TRAPPC8: variants seen among roughly 807,000 people sequenced by gnomAD.
The protein encoded by TRAPPC8 is trafficking protein particle complex subunit 8, also known as general sporulation gene 1 homolog.
In TRAPPC8, 54 loss-of-function variants were observed where a neutral mutation model predicts 174.3. The ratio of observed to expected loss-of-function variants is 0.31; its 90% CI spans 0.25 to 0.39. The LOEUF (loss-of-function observed/expected upper bound fraction) is 0.39. Ranked by LOEUF, TRAPPC8 falls within the 10% of genes least tolerant of loss-of-function variation. The probability of loss-of-function intolerance (pLI) is 1.00; values close to 1 mark genes in which losing one functional copy is unlikely to be tolerated. For synonymous variants in TRAPPC8, 630 were observed against 579.9 expected, an observed-to-expected ratio of 1.09 and a Z score of -1.24; for missense variants, 1,531 against 1,699.1, an observed-to-expected ratio of 0.90 and a Z score of 1.74.
intron 24 of TRAPPC8, among the ~76,000 whole-genome samples, chr18:31,850,503 C>T (rs4513172): frequency 0.61 from 93,436 of 152,070 alleles, 29,131 homozygotes; most frequent in South Asian, 0.76. Flanking sequence ...ACAATGAAAG[C>T]ATGAGATAAG....
chr18:31,857,688 C>A lies in TRAPPC8; in HGVS notation c.3040G>T (p.Val1014Leu). 1 of 1,614,116 alleles carries A rather than the reference C, an allele frequency of 6.2e-7. No individual in the cohort carries two copies. Among genetic ancestry groups the A allele is most frequent in the Admixed American group, 1.7e-5 (1 of 60,004 alleles). ...FGIGTGSQPE[V>L]IPVPLPDTVL... is the part of the protein sequence containing the mutation. ...GTGTCAGGAAGGGGAACAGGAATCA[C>A]CTCTGGTTGACTTCCTGTGCCAATG... The change falls in exon 20 of 29, where the codon GTG becomes TTG. Residue 1014 changes from valine to leucine, a missense_variant. Physicochemically the swap from Val to Leu is conservative, Grantham distance 32. Coordinates refer to ENST00000283351, the MANE Select transcript of TRAPPC8 (RefSeq NM_014939.5).
At chr18:31,836,599 T>C (rs1378120790) in intron 27 of TRAPPC8, among the ~76,000 whole-genome samples, 2 of 152,172 alleles carry the variant, frequency 1.3e-5, no homozygotes, top group African/African-American at 4.8e-5. Flanking sequence ...TAGAAGTGTG[T>C]GAGGTTCAAT....
intron 7 of TRAPPC8, 70 bp downstream of exon 7, chr18:31,908,684 C>T (rs866121174): frequency 2.4e-5 from 33 of 1,390,096 alleles, no homozygotes; most frequent in East Asian, 5.1e-5. Flanking sequence ...ACTTCAAATA[C>T]GTTTAATAAT....
At chr18:31,878,891 T>C (rs1253386372) in intron 12 of TRAPPC8, among the ~76,000 whole-genome samples, 1 of 152,176 alleles carries the variant, frequency 6.6e-6, no homozygotes, top group Non-Finnish European at 1.5e-5. Flanking sequence ...AAGGGAATTA[T>C]ATAATGATAA....
intron 3 of TRAPPC8, 95 bp downstream of exon 3, chr18:31,917,483 C>T: frequency 9.5e-7 from 1 of 1,053,640 alleles, no homozygotes; most frequent in Middle Eastern, 2.1e-4. Context: ...TATCTATTCT[C>T]TGTATCTTCA....
At chr18:31,895,880 AAT>A (rs1343043087) in intron 11 of TRAPPC8, 1 of 152,226 alleles carries the variant, frequency 6.6e-6, no homozygotes, top group Non-Finnish European at 1.5e-5. Context: ...AAACATTTTA[AAT>A]ATCACTTCTG....
chr18:31,864,203 T>C (rs2034476835), intron 19 of TRAPPC8, among the ~76,000 whole-genome samples: 1 of 151,644 alleles, frequency 6.6e-6, no homozygotes, highest in Admixed American at 6.6e-5. Context: ...TTTTAATTTG[T>C]ATGGTATAAA....
At chr18:31,880,121 A>ATATATAAATAT (rs1239258266) in intron 12 of TRAPPC8, among the ~76,000 whole-genome samples, 1 of 69,054 alleles carries the variant, frequency 1.4e-5, no homozygotes, top group African/African-American at 5.9e-5. Flanking sequence ...ATATATATAT[A>ATATATAAATAT]TTTTTTTTTT....
At position 31,885,015 on chromosome 18, in the gene TRAPPC8, G is replaced by A. The variant is rs371981607; in HGVS notation, c.1728+5720C>T. 6.0e-5 allele frequency among the ~76,000 whole-genome samples: 9 copies of A among 151,096 alleles called. No homozygotes were observed. The South Asian group carries it at 6.2e-4, about 10-fold the overall frequency. ...ACTATAGGCACCCGCCACCACGCCC[G>A]GCTAATTTTTTTTTTGGATTTTTAG... is the stretch of plus-strand genomic sequence containing the variant. On this transcript the variant is annotated intron_variant, in intron 12 of 28. Coordinates refer to ENST00000283351, the MANE Select transcript of TRAPPC8 (RefSeq NM_014939.5).
At chr18:31,940,288 A>ATG (rs2038275027) in intron 1 of TRAPPC8, among the ~76,000 whole-genome samples, 1 of 151,866 alleles carries the variant, frequency 6.6e-6, no homozygotes, top group Non-Finnish European at 1.5e-5. Flanking sequence ...CAGCCTGGCC[A>ATG]ACATGGTGAA....
chr18:31,930,121 A>C (rs1728965721), intron 2 of TRAPPC8, among the ~76,000 whole-genome samples: 1 of 150,634 alleles, frequency 6.6e-6, no homozygotes. Context: ...TTTAGGAAAA[A>C]CTTTTTTTTT....
At chr18:31,916,521 A>T in intron 3 of TRAPPC8, 75 bp from the exon 4 acceptor site, 1 of 1,393,714 alleles carries the variant, frequency 7.2e-7, no homozygotes, top group Non-Finnish European at 9.5e-7. Context: ...GATAAACAGG[A>T]GGTTTTTGTT....
intron 12 of TRAPPC8, among the ~76,000 whole-genome samples, chr18:31,880,103 ATATATATATATATATATAT>A (rs2035360122): frequency 8.1e-5 from 7 of 86,860 alleles, no homozygotes; most frequent in Non-Finnish European, 1.2e-4. Flanking sequence ...ATATATATAT[ATATATATATATATATATAT>A]TTTTTTTTTT....
At chr18:31,862,226 C>T (rs1274861251) in intron 19 of TRAPPC8, among the ~76,000 whole-genome samples, 1 of 151,774 alleles carries the variant, frequency 6.6e-6, no homozygotes, top group African/African-American at 2.4e-5. Context: ...TTTACCAATG[C>T]AATTCTAATC....
intron 1 of TRAPPC8, among the ~76,000 whole-genome samples, chr18:31,934,455 C>T (rs1331802145): frequency 6.6e-6 from 1 of 152,054 alleles, no homozygotes; most frequent in Non-Finnish European, 1.5e-5. Context: ...ACATACCAGC[C>T]TCTCTCCCTA....
chr18:31,913,652 T>C, intron 4 of TRAPPC8, 130 bp from the exon 5 acceptor site: 3 of 710,268 alleles, frequency 4.2e-6, no homozygotes, highest in Non-Finnish European at 6.3e-6. Context: ...TGGAAAAATA[T>C]AAAAGAGGAC....
intron 27 of TRAPPC8, chr18:31,833,480 A>C (rs921806752): frequency 7.2e-5 from 11 of 152,068 alleles, no homozygotes; most frequent in Admixed American, 7.2e-4. Flanking sequence ...TCACCCACAC[A>C]TCTCTGGAAC....
chr18:31,911,616 G>A (rs942036106), intron 5 of TRAPPC8, among the ~76,000 whole-genome samples: 74 of 151,518 alleles, frequency 4.9e-4, no homozygotes, highest in African/African-American at 1.7e-3. Flanking sequence ...GCGGGCGCCT[G>A]TAATCCCAGC....
intron 3 of TRAPPC8, 123 bp downstream of exon 3, chr18:31,917,455 A>G (rs2037195888): frequency 1.2e-6 from 1 of 818,180 alleles, no homozygotes; most frequent in Non-Finnish European, 1.9e-6. Flanking sequence ...GTGTATTGTC[A>G]ATCTATAAAA....
Sources: allele counts gnomAD v4.1 joint callset (sites outside exome capture counted in the v4.1 genomes callset), GRCh38; gene constraint gnomAD v4.1.1; transcripts MANE v1.5; gene names NCBI Gene and HGNC (gene_info 2026-07-23, HGNC 2026-07-21).